The following CDH13 variants were observed in gnomAD, a reference collection of about 807,000 sequenced individuals.
CDH13 encodes the protein cadherin 13.
CDH13 carries 24 observed loss-of-function variants against 63.8 expected under a neutral mutation model. The ratio of observed to expected loss-of-function variants is 0.38; its 90% CI spans 0.27 to 0.53. The LOEUF (loss-of-function observed/expected upper bound fraction) is 0.53. Ranked by LOEUF, CDH13 falls within the 20% of genes least tolerant of loss-of-function variation. The probability of loss-of-function intolerance (pLI) is 0.85; values close to 1 mark genes in which losing one functional copy is unlikely to be tolerated. For synonymous variants in CDH13, 503 were observed against 355.3 expected, an observed-to-expected ratio of 1.42 and a Z score of -4.67; for missense variants, 1,049 against 903.1, an observed-to-expected ratio of 1.16 and a Z score of -2.07.
chr16:83,176,391 T>G (rs904661622), intron 4 of CDH13, among the ~76,000 whole-genome samples: 7 of 150,890 alleles, frequency 4.6e-5, no homozygotes, highest in Non-Finnish European at 8.8e-5. Flanking sequence ...GTGCCTGTAA[T>G]CCCAGCTACT....
At chr16:83,791,389 A>G (rs1916254721) in intron 13 of CDH13, among the ~76,000 whole-genome samples, 1 of 152,064 alleles carries the variant, frequency 6.6e-6, no homozygotes, top group Non-Finnish European at 1.5e-5. Flanking sequence ...CCAGCTACTC[A>G]GGAGGCTGAG....
intron 11 of CDH13, among the ~76,000 whole-genome samples, chr16:83,756,327 A>C (rs574893168): frequency 6.6e-5 from 10 of 152,372 alleles, no homozygotes; most frequent in Admixed American, 1.3e-4. Flanking sequence ...AAATCAGCAA[A>C]CTGGATGCTA....
intron 1 of CDH13, among the ~76,000 whole-genome samples, chr16:82,676,808 G>A (rs921151869): frequency 6.6e-6 from 1 of 152,038 alleles, no homozygotes; most frequent in Admixed American, 6.6e-5. Context: ...CCCAGTCCTT[G>A]TTAAGTTGCT....
chr16:82,883,318 A>G (rs1253680482), intron 2 of CDH13, among the ~76,000 whole-genome samples: 2 of 152,206 alleles, frequency 1.3e-5, no homozygotes, highest in African/African-American at 4.8e-5. Context: ...CCACCATCAC[A>G]TCATTGTATT....
At chr16:83,545,465 T>C (rs2075370085) in intron 7 of CDH13, among the ~76,000 whole-genome samples, 1 of 152,226 alleles carries the variant, frequency 6.6e-6, no homozygotes, top group Non-Finnish European at 1.5e-5. Flanking sequence ...TTTCTCATGC[T>C]TAAAGAAGTC....
intron 7 of CDH13, among the ~76,000 whole-genome samples, chr16:83,494,868 C>G (rs2074099392): frequency 6.6e-6 from 1 of 152,116 alleles, no homozygotes; most frequent in African/African-American, 2.4e-5. Context: ...TAGTTGAACA[C>G]TTTGGGGTTC....
intron 8 of CDH13, among the ~76,000 whole-genome samples, chr16:83,630,145 T>G (rs1046589583): frequency 6.6e-6 from 1 of 152,146 alleles, no homozygotes; most frequent in Non-Finnish European, 1.5e-5. Flanking sequence ...TGCACCACCA[T>G]TTTCTGATGG....
intron 8 of CDH13, among the ~76,000 whole-genome samples, chr16:83,629,165 C>G (rs1159068704): frequency 1.3e-5 from 2 of 152,154 alleles, no homozygotes; most frequent in African/African-American, 2.4e-5. Context: ...ACACCAAGTT[C>G]AAGGCAAAAA....
At chr16:83,779,546 G>C (rs927466540) in intron 11 of CDH13, among the ~76,000 whole-genome samples, 1 of 151,882 alleles carries the variant, frequency 6.6e-6, no homozygotes, top group African/African-American at 2.4e-5. Context: ...AAATGGGCTG[G>C]GCATGGTGGC....
intron 5 of CDH13, among the ~76,000 whole-genome samples, chr16:83,306,042 T>C (rs1300755468): frequency 6.6e-6 from 1 of 152,150 alleles, no homozygotes; most frequent in Non-Finnish European, 1.5e-5. Context: ...CAGCATCCCT[T>C]TACTGCACCC....
intron 1 of CDH13, among the ~76,000 whole-genome samples, chr16:82,654,821 C>T (rs1157623476): frequency 1.3e-5 from 2 of 151,928 alleles, no homozygotes; most frequent in Non-Finnish European, 2.9e-5. Flanking sequence ...CGTGAAGCAG[C>T]TAACAAAGGT....
At chr16:83,291,066 G>A (rs528715040) in intron 5 of CDH13, among the ~76,000 whole-genome samples, 1 of 152,094 alleles carries the variant, frequency 6.6e-6, no homozygotes, top group Admixed American at 6.5e-5. Flanking sequence ...GACAGTACAG[G>A]TCTATTTCTC....
At chr16:82,812,174 G>A (rs1450695769) in intron 1 of CDH13, among the ~76,000 whole-genome samples, 3 of 152,110 alleles carry the variant, frequency 2.0e-5, no homozygotes, top group African/African-American at 7.2e-5. Context: ...TTAGAAACTG[G>A]CAGATGGCCC....
chr16:83,471,222 T>C (rs2073443899), intron 6 of CDH13, among the ~76,000 whole-genome samples: 1 of 152,014 alleles, frequency 6.6e-6, no homozygotes, highest in Non-Finnish European at 1.5e-5. Flanking sequence ...ATATTCACAG[T>C]TGTTGGGGAT....
chr16:83,406,200 C>T (rs1472548194), intron 6 of CDH13, among the ~76,000 whole-genome samples: 1 of 152,204 alleles, frequency 6.6e-6, no homozygotes, highest in Admixed American at 6.5e-5. Flanking sequence ...CTCTGCAGGT[C>T]CCCAGTAGGA....
At chr16:82,883,680 A>G (rs926931030) in intron 2 of CDH13, among the ~76,000 whole-genome samples, 2 of 152,170 alleles carry the variant, frequency 1.3e-5, no homozygotes, top group African/African-American at 4.8e-5. Flanking sequence ...TTGCTCACAG[A>G]GCTGCTGTGA....
At chr16:83,348,393 G>A (rs745985236) in intron 6 of CDH13, among the ~76,000 whole-genome samples, 5 of 152,126 alleles carry the variant, frequency 3.3e-5, no homozygotes, top group African/African-American at 4.8e-5. Flanking sequence ...AGGGTTCAAC[G>A]GTGTTAAGTG....
intron 7 of CDH13, among the ~76,000 whole-genome samples, chr16:83,499,044 G>A (rs8052198): frequency 0.98 from 148,577 of 152,280 alleles, 72,584 homozygotes; most frequent in East Asian, 1. Context: ...TGATGCAGAA[G>A]TTTCTTGTGA....
intron 1 of CDH13, among the ~76,000 whole-genome samples, chr16:82,635,519 C>G (rs1339682689): frequency 6.6e-6 from 1 of 152,164 alleles, no homozygotes; most frequent in Non-Finnish European, 1.5e-5. Flanking sequence ...TGGTGTTTTT[C>G]TCAGAGCAAG....
Sources: gnomAD v4.1 joint callset for allele counts (sites outside exome capture counted in the v4.1 genomes callset) on GRCh38, gnomAD v4.1.1 for gene constraint, MANE v1.5 for transcripts, NCBI Gene and HGNC (gene_info 2026-07-23, HGNC 2026-07-21) for gene names.